Variants in DNAAF5 observed in about 807,000 individuals in gnomAD.
The protein encoded by DNAAF5 is dynein axonemal assembly factor 5.
Under a neutral mutation model 75.8 loss-of-function variants are expected in DNAAF5, and 64 were observed. The observed-to-expected ratio is 0.84, with a 90% CI of 0.69 to 1.04. The LOEUF (loss-of-function observed/expected upper bound fraction) is 1.04. DNAAF5 is among the 50% of genes least tolerant of loss of function. The pLI, the probability that DNAAF5 is intolerant of heterozygous loss-of-function variation, is 0.00. For missense variants in DNAAF5, 1,269 were observed against 1,178.5 expected (o/e 1.08, Z -1.12); for synonymous variants, 657 against 557.2 (o/e 1.18, Z -2.52).
At position 745,437 on chromosome 7, in the gene DNAAF5, C is replaced by CACAT. The variant is rs1554252000; in HGVS notation, c.1024+3975_1024+3976insTACA. On this transcript the variant is annotated intron_variant, in intron 4 of 12. Coordinates refer to ENST00000297440, the MANE Select transcript of DNAAF5 (RefSeq NM_017802.4). ...CGAGGCGCACACGCATACACACACA[C>CACAT]ACACATATTCACATGCATGCACATG... Among the ~76,000 whole-genome samples the CACAT allele has an allele frequency of 3.2e-3, 488 of 151,926 alleles. 2 individuals are homozygous for CACAT. The highest frequency in any genetic ancestry group is 0.011 in the African/African-American group (461 of 41,422).
At chr7:753,025 G>A (rs188340904) in intron 4 of DNAAF5, among the ~76,000 whole-genome samples, 7 of 152,196 alleles carry the variant, frequency 4.6e-5, no homozygotes, top group African/African-American at 1.2e-4. Context: ...TGTGCCTCTC[G>A]GACTGCTTTC....
At position 774,202 on chromosome 7, in the gene DNAAF5, CG is replaced by C. The variant is rs878855035; in HGVS notation, c.2082+8del. ...CGAGGTCCTGTCGGCAGAGCAGGTA[CG>C]GGGCTCCCTGCGTGCTCGGTGGACA... On this transcript the variant is annotated splice_donor_5th_base_variant and intron_variant, in intron 10 of 12. Coordinates refer to ENST00000297440, the MANE Select transcript of DNAAF5 (RefSeq NM_017802.4). 518 of 1,602,146 alleles carry C rather than the reference CG, an allele frequency of 3.2e-4. 2 individuals carry two copies. The African/African-American group carries it at 5.9e-3, about 18-fold the overall frequency.
intron 10 of DNAAF5, 60 bp downstream of exon 10, chr7:774,258 G>T (rs1285714197): frequency 3.4e-6 from 5 of 1,487,482 alleles, no homozygotes; most frequent in East Asian, 2.4e-5. Context: ...GCTTCCTGGC[G>T]CCCGGCAGAG....
In DNAAF5 at chr7:774,152, C is replaced by G; in HGVS notation, c.2036C>G (p.Ser679Cys). 1.2e-6 allele frequency: 2 copies of G among 1,612,650 alleles called. No homozygotes were observed. Among genetic ancestry groups the G allele is most frequent in the Non-Finnish European group, 1.7e-6 (2 of 1,179,934 alleles). The change falls in exon 10 of 13, where the codon TCC becomes TGC. Residue 679 changes from serine (S) to cysteine (C), a missense_variant. Physicochemically the swap from Ser to Cys is moderately radical, Grantham distance 112. Transcript: ENST00000297440. ...TAAAIRTAAV[S>C]CLWALTSSEV... The stretch of plus-strand genomic sequence containing the variant: ...GCGGCCATCCGCACGGCTGCCGTGT[C>G]CTGCCTCTGGGCGCTCACCAGCAGC...
intron 4 of DNAAF5, among the ~76,000 whole-genome samples, chr7:748,615 C>G (rs114034302): frequency 1.3e-5 from 2 of 152,178 alleles, no homozygotes; most frequent in South Asian, 4.1e-4. Context: ...CCCATCCCCC[C>G]TGCTCTGTTT....
Position 729,787 on chromosome 7 carries a change from G to A in DNAAF5, c.720G>A (p.Gly240=), listed in dbSNP as rs1781505444. The change falls in exon 2 of 13, where the codon GGG becomes GGA. Residue 240 remains glycine (G), a synonymous_variant. Transcript: ENST00000297440. ...ATGAVIHFGN[G]KSVDDVLSHF... is the part of the protein sequence containing the mutation. Reference sequence around the variant, plus strand: ...GCGCAGTGATCCATTTTGGCAACGGGAAGTCCGTGGACGACGTGCTTTCCC... The same window carrying A: ...GCGCAGTGATCCATTTTGGCAACGGAAAGTCCGTGGACGACGTGCTTTCCC... The A allele has an allele frequency of 6.2e-7, 1 of 1,614,242 alleles. No homozygotes were observed. The highest frequency in any genetic ancestry group is 8.5e-7 in the Non-Finnish European group (1 of 1,180,044).
intron 4 of DNAAF5, among the ~76,000 whole-genome samples, chr7:745,706 C>T (rs1782076813): frequency 6.6e-6 from 1 of 152,210 alleles, no homozygotes; most frequent in South Asian, 2.1e-4. Flanking sequence ...CACGTGTGTA[C>T]ATGCATATCA....
chr7:727,124 C>A lies in DNAAF5; in HGVS notation c.404C>A (p.Pro135His). ...GGCCCCGTGCCCGCGCGCCGCCCGC[C>A]CGAGGCCTGTGAGGAGCTGCGCCTG... The part of the protein sequence containing the change: ...LAGPVPARRP[P>H]EACEELRLAL... Residue 135 changes from proline to histidine, a missense_variant, in exon 1 of 13, where the codon CCC becomes CAC. Physicochemically the swap from Pro to His is moderately conservative, Grantham distance 77. Coordinates refer to ENST00000297440, the MANE Select transcript of DNAAF5 (RefSeq NM_017802.4). The A allele has an allele frequency of 8.6e-7, 1 of 1,167,090 alleles. No homozygotes were observed. 72.3% of individuals were successfully genotyped at this position (1,167,090 alleles called of 1,614,324 possible).
At chr7:747,646 A>G (rs374227495) in intron 4 of DNAAF5, among the ~76,000 whole-genome samples, 277 of 100,810 alleles carry the variant, frequency 2.7e-3, no homozygotes, top group East Asian at 4.6e-3. Context: ...GGTGGCCCAC[A>G]GTGTTGGTGG....
chr7:768,587 C>T (rs1476378366), intron 8 of DNAAF5: 1 of 153,424 alleles, frequency 6.5e-6, no homozygotes, highest in Non-Finnish European at 1.5e-5. Flanking sequence ...GACACGTGGC[C>T]CAGGCGGAAG....
At chr7:729,270 T>C (rs1583471344) in intron 1 of DNAAF5, among the ~76,000 whole-genome samples, 1 of 152,022 alleles carries the variant, frequency 6.6e-6, no homozygotes, top group Admixed American at 6.5e-5. Flanking sequence ...GGGCTGGGAG[T>C]GTGGCCTCGC....
chr7:785,329 G>A (rs1316589591), intron 12 of DNAAF5, among the ~76,000 whole-genome samples, 188 bp from the exon 13 acceptor site: 2 of 151,104 alleles, frequency 1.3e-5, no homozygotes, highest in African/African-American at 2.5e-5. Context: ...CAGGTCATTC[G>A]TCCCCACATT....
chr7:784,059 C>A (rs1779071034), intron 12 of DNAAF5, among the ~76,000 whole-genome samples: 1 of 151,012 alleles, frequency 6.6e-6, no homozygotes, highest in South Asian at 2.1e-4. Context: ...ATCCGCCTGG[C>A]AGCAGGCTCC....
intron 12 of DNAAF5, 25 bp downstream of exon 12, chr7:780,169 C>A: frequency 6.2e-7 from 1 of 1,603,746 alleles, no homozygotes; most frequent in Non-Finnish European, 8.5e-7. Flanking sequence ...GCTTGGCCTT[C>A]GTTCCGATGC....
intron 12 of DNAAF5, among the ~76,000 whole-genome samples, chr7:782,460 G>A (rs1355519715): frequency 3.7e-5 from 5 of 135,036 alleles, no homozygotes; most frequent in Non-Finnish European, 6.3e-5. Context: ...GCCGCCTCCC[G>A]TCACGCGGCG....
intron 9 of DNAAF5, 70 bp downstream of exon 9, chr7:770,688 C>T: frequency 3.4e-6 from 5 of 1,459,678 alleles, no homozygotes; most frequent in Non-Finnish European, 4.7e-6. Flanking sequence ...TCTCCCTCCC[C>T]AACAGCTCAC....
At position 774,001 on chromosome 7, in the gene DNAAF5, G is replaced by A. The variant is rs537499314; in HGVS notation, c.1932-47G>A. Reference sequence around the variant, plus strand: ...ATCCCTAGTCTGAAACGTTTCTTCCGAGCACCTGTCCGGTCTCCTCATCCA... The same window carrying A: ...ATCCCTAGTCTGAAACGTTTCTTCCAAGCACCTGTCCGGTCTCCTCATCCA... On this transcript the variant is annotated intron_variant, in intron 9 of 12. Coordinates refer to ENST00000297440, the MANE Select transcript of DNAAF5 (RefSeq NM_017802.4). The A allele has an allele frequency of 3.1e-6, 5 of 1,611,490 alleles. No homozygotes were observed. In the South Asian group the frequency reaches 3.3e-5, roughly 11 times the overall value.
At chr7:759,099 C>T (rs976739685) in intron 6 of DNAAF5, among the ~76,000 whole-genome samples, 8 of 152,126 alleles carry the variant, frequency 5.3e-5, no homozygotes, top group East Asian at 1.9e-4. Context: ...GCTCTTCCCG[C>T]GGCCGGCCGG....
chr7:773,922 C>G, intron 9 of DNAAF5, 126 bp from the exon 10 acceptor site: 1 of 1,054,704 alleles, frequency 9.5e-7, no homozygotes, highest in South Asian at 1.4e-5. Context: ...GGAGGGGCCT[C>G]GTGTTTTGGG....
Sources: gnomAD v4.1 joint callset for allele counts (sites outside exome capture counted in the v4.1 genomes callset) on GRCh38, gnomAD v4.1.1 for gene constraint, MANE v1.5 for transcripts, NCBI Gene and HGNC (gene_info 2026-07-23, HGNC 2026-07-21) for gene names.